Variants in HECW1 observed in about 807,000 individuals in gnomAD.
The protein encoded by HECW1 is HECT, C2 and WW domain containing E3 ubiquitin protein ligase 1, also known as E3 ubiquitin-protein ligase HECW1.
HECW1 carries 61 observed loss-of-function variants against 182.3 expected under a neutral mutation model. The observed-to-expected ratio is 0.33, with a 90% CI of 0.27 to 0.41. The LOEUF is 0.41. Among genes scored for constraint, HECW1 ranks in the 10% least tolerant of loss-of-function variants. The pLI, the probability that HECW1 is intolerant of heterozygous loss-of-function variation, is 1.00. For synonymous variants in HECW1, 859 were observed against 832.6 expected, an observed-to-expected ratio of 1.03 and a Z score of -0.55; for missense variants, 1,739 against 2,108.9, an observed-to-expected ratio of 0.82 and a Z score of 3.44.
intron 2 of HECW1, among the ~76,000 whole-genome samples, chr7:43,115,967 C>A (rs1269797652): frequency 2.6e-5 from 4 of 152,168 alleles, no homozygotes; most frequent in African/African-American, 9.7e-5. Flanking sequence ...CAGCACCTAG[C>A]AGTTTGCCTG....
At chr7:43,374,925 T>C (rs1411602545) in intron 6 of HECW1, among the ~76,000 whole-genome samples, 1 of 152,032 alleles carries the variant, frequency 6.6e-6, no homozygotes, top group African/African-American at 2.4e-5. Context: ...AAAATATATA[T>C]GTAGGTTCAT....
chr7:43,515,031 A>C (rs1179686370), intron 24 of HECW1, among the ~76,000 whole-genome samples: 1 of 152,258 alleles, frequency 6.6e-6, no homozygotes, highest in Non-Finnish European at 1.5e-5. Context: ...AATGCTGTGC[A>C]TACCTCTATT....
At chr7:43,200,869 G>A (rs1217312910) in intron 2 of HECW1, among the ~76,000 whole-genome samples, 1 of 152,168 alleles carries the variant, frequency 6.6e-6, no homozygotes, top group Non-Finnish European at 1.5e-5. Context: ...AACAAAAATA[G>A]CTACAAAGCC....
chr7:43,380,436 T>G (rs2074499437), intron 6 of HECW1, among the ~76,000 whole-genome samples: 1 of 152,154 alleles, frequency 6.6e-6, no homozygotes, highest in Non-Finnish European at 1.5e-5. Flanking sequence ...TTCATTCTTT[T>G]GTGTGACTGT....
intron 17 of HECW1, among the ~76,000 whole-genome samples, chr7:43,488,434 G>GAGAAGAAAGAAAGAAAGAA (rs1554440500): frequency 2.1e-5 from 2 of 93,082 alleles, no homozygotes; most frequent in African/African-American, 8.8e-5. Flanking sequence ...AAGAAAGAAA[G>GAGAAGAAAGAAAGAAAGAA]AGAAAGAAAG....
chr7:43,263,194 C>G (rs1270194322), intron 3 of HECW1, among the ~76,000 whole-genome samples: 1 of 152,152 alleles, frequency 6.6e-6, no homozygotes, highest in Non-Finnish European at 1.5e-5. Context: ...ATTGAAGCAT[C>G]TAAAAGCTTC....
intron 21 of HECW1, among the ~76,000 whole-genome samples, chr7:43,501,554 G>A (rs1329556157): frequency 6.6e-6 from 1 of 152,072 alleles, no homozygotes; most frequent in Non-Finnish European, 1.5e-5. Flanking sequence ...TGTTTTGCTG[G>A]GCAGGTGGCT....
chr7:43,488,498 G>GAAAGA (rs1197732969), intron 17 of HECW1, among the ~76,000 whole-genome samples: 1 of 150,318 alleles, frequency 6.7e-6, no homozygotes, highest in African/African-American at 2.4e-5. Flanking sequence ...GAGAAAGAAA[G>GAAAGA]AAAGAAAAGA....
At chr7:43,277,694 C>T (rs139859953) in intron 3 of HECW1, among the ~76,000 whole-genome samples, 211 of 152,292 alleles carry the variant, frequency 1.4e-3, no homozygotes, top group African/African-American at 4.7e-3. Context: ...CACACATTGT[C>T]TTCTCCCCTC....
chr7:43,250,525 T>C (rs1265560055), intron 3 of HECW1, among the ~76,000 whole-genome samples: 1 of 152,058 alleles, frequency 6.6e-6, no homozygotes, highest in Admixed American at 6.5e-5. Context: ...TAGAACACAA[T>C]GTAAAGCCCT....
chr7:43,170,193 G>C (rs1583800927), intron 2 of HECW1, among the ~76,000 whole-genome samples: 1 of 152,136 alleles, frequency 6.6e-6, no homozygotes. Context: ...AGGGATCTAG[G>C]TTGTGGGCTC....
At chr7:43,453,428 T>G (rs1220924946) in intron 12 of HECW1, among the ~76,000 whole-genome samples, 1 of 152,144 alleles carries the variant, frequency 6.6e-6, no homozygotes, top group East Asian at 1.9e-4. Flanking sequence ...CTGAGTTGGG[T>G]AGGAAAGACT....
chr7:43,365,552 A>G (rs1221964115), intron 6 of HECW1, among the ~76,000 whole-genome samples: 1 of 152,226 alleles, frequency 6.6e-6, no homozygotes, highest in Non-Finnish European at 1.5e-5. Flanking sequence ...TGTTGTCTTT[A>G]TCAGCATTAA....
At chr7:43,488,352 AAGG>A (rs1288247520) in intron 17 of HECW1, among the ~76,000 whole-genome samples, 2 of 112,028 alleles carry the variant, frequency 1.8e-5, no homozygotes, top group Non-Finnish European at 3.6e-5. Flanking sequence ...GGAAGGAAGG[AAGG>A]AAGGAAGGAA....
chr7:43,496,358 A>C lies in HECW1; in HGVS notation c.3437+3178A>C, dbSNP rs1413206272. 3.9e-5 allele frequency among the ~76,000 whole-genome samples: 6 copies of C among 152,138 alleles called. No individual in the cohort carries two copies. The East Asian group carries it at 1.2e-3, about 29-fold the overall frequency. ...ACTGTGGACCCAGGTTGAGAACCCA[A>C]ATATTTCATCAAAAACAGAAGGCTC... On this transcript the variant is annotated intron_variant, in intron 19 of 29. Coordinates refer to ENST00000395891, the MANE Select transcript of HECW1 (RefSeq NM_015052.5).
intron 2 of HECW1, among the ~76,000 whole-genome samples, chr7:43,215,325 C>T (rs1023803095): frequency 2.0e-5 from 3 of 152,224 alleles, no homozygotes; most frequent in Non-Finnish European, 4.4e-5. Context: ...TTTTCCAATC[C>T]TCACAGAAGC....
chr7:43,358,057 A>C (rs1283293208), intron 5 of HECW1, among the ~76,000 whole-genome samples: 1 of 152,154 alleles, frequency 6.6e-6, no homozygotes, highest in Non-Finnish European at 1.5e-5. Flanking sequence ...GCATTGAAAT[A>C]ATTTTTTCTT....
At chr7:43,547,837 T>A (rs2081625245) in intron 26 of HECW1, among the ~76,000 whole-genome samples, 1 of 152,208 alleles carries the variant, frequency 6.6e-6, no homozygotes, top group Non-Finnish European at 1.5e-5. Flanking sequence ...TTCGTGTGGG[T>A]CCCACAATGT....
At chr7:43,350,476 T>G (rs1814285334) in intron 5 of HECW1, among the ~76,000 whole-genome samples, 1 of 152,212 alleles carries the variant, frequency 6.6e-6, no homozygotes, top group African/African-American at 2.4e-5. Flanking sequence ...TTTAGAATTC[T>G]ATTCTTCCTC....
Sources: allele counts gnomAD v4.1 joint callset (sites outside exome capture counted in the v4.1 genomes callset), GRCh38; gene constraint gnomAD v4.1.1; transcripts MANE v1.5; gene names NCBI Gene and HGNC (gene_info 2026-07-23, HGNC 2026-07-21).